PDGFC: variants seen among roughly 807,000 people sequenced by gnomAD.
PDGFC encodes the protein platelet derived growth factor C.
In PDGFC, 12 loss-of-function variants were observed where a neutral mutation model predicts 35.5. The ratio of observed to expected loss-of-function variants is 0.34; its 90% CI spans 0.22 to 0.55. The LOEUF is 0.55. Among genes scored for constraint, PDGFC ranks in the 20% least tolerant of loss-of-function variants. The pLI is 0.91. For synonymous variants in PDGFC, 159 were observed against 148.8 expected (o/e 1.07, Z -0.50); for missense variants, 322 against 412.4 (o/e 0.78, Z 1.90).
chr4:156,821,770 G>A (rs1732267958), intron 2 of PDGFC, among the ~76,000 whole-genome samples: 1 of 152,080 alleles, frequency 6.6e-6, no homozygotes, highest in Admixed American at 6.5e-5. Context: ...GGCTGGTCTT[G>A]AGCTCCCGGC....
chr4:156,851,529 C>T (rs1490488201), intron 1 of PDGFC, among the ~76,000 whole-genome samples: 2 of 152,100 alleles, frequency 1.3e-5, no homozygotes, highest in East Asian at 1.9e-4. Context: ...TATTCCTATA[C>T]CCAACCAGTT....
At chr4:156,773,350 G>T (rs1370787707) in intron 3 of PDGFC, among the ~76,000 whole-genome samples, 2 of 152,134 alleles carry the variant, frequency 1.3e-5, no homozygotes, top group South Asian at 2.1e-4. Context: ...AAAATAGTTA[G>T]AAATCATTTG....
chr4:156,798,477 A>T (rs895841860), intron 3 of PDGFC, among the ~76,000 whole-genome samples: 1 of 152,192 alleles, frequency 6.6e-6, no homozygotes, highest in African/African-American at 2.4e-5. Flanking sequence ...GTAATTGGGA[A>T]TCCTATTAGA....
chr4:156,921,631 A>C (rs1731283925), intron 1 of PDGFC, among the ~76,000 whole-genome samples: 1 of 152,168 alleles, frequency 6.6e-6, no homozygotes. Flanking sequence ...TCAGTATGAC[A>C]CCTTTACAAC....
intron 3 of PDGFC, among the ~76,000 whole-genome samples, chr4:156,794,087 G>A (rs1038334264): frequency 5.3e-5 from 8 of 152,070 alleles, no homozygotes; most frequent in East Asian, 3.9e-4. Context: ...CTTTGACTGC[G>A]CACTATGTGT....
chr4:156,922,371 A>G (rs1298202624), intron 1 of PDGFC, among the ~76,000 whole-genome samples: 2 of 152,236 alleles, frequency 1.3e-5, no homozygotes, highest in African/African-American at 2.4e-5. Flanking sequence ...TAAGTACTAT[A>G]GCAGGCATTG....
At chr4:156,944,165 T>G (rs1731880964) in intron 1 of PDGFC, among the ~76,000 whole-genome samples, 2 of 152,254 alleles carry the variant, frequency 1.3e-5, no homozygotes, top group African/African-American at 4.8e-5. Context: ...CCTTGGCTTG[T>G]GGCTTAAATT....
At chr4:156,937,478 T>C (rs958840490) in intron 1 of PDGFC, among the ~76,000 whole-genome samples, 1 of 152,072 alleles carries the variant, frequency 6.6e-6, no homozygotes, top group African/African-American at 2.4e-5. Context: ...GGAAGGCAAA[T>C]GGCTTGAGCC....
At chr4:156,901,108 T>G (rs568286068) in intron 1 of PDGFC, among the ~76,000 whole-genome samples, 27 of 152,314 alleles carry the variant, frequency 1.8e-4, no homozygotes, top group Middle Eastern at 3.4e-3. Flanking sequence ...TCAAATTGTA[T>G]CATGCACATA....
At chr4:156,774,537 A>T (rs1730771602) in intron 3 of PDGFC, 1 of 152,160 alleles carries the variant, frequency 6.6e-6, no homozygotes, top group African/African-American at 2.4e-5. Flanking sequence ...GGACAGGCAC[A>T]ACCCTCGTGG....
intron 2 of PDGFC, among the ~76,000 whole-genome samples, chr4:156,845,478 C>T (rs1425178347): frequency 6.6e-6 from 1 of 151,730 alleles, no homozygotes; most frequent in Non-Finnish European, 1.5e-5. Context: ...ATAATTCCCT[C>T]CTGGCTATCT....
chr4:156,860,625 T>C (rs1729688116), intron 1 of PDGFC, among the ~76,000 whole-genome samples: 1 of 152,162 alleles, frequency 6.6e-6, no homozygotes, highest in South Asian at 2.1e-4. Flanking sequence ...GCAGCAATAG[T>C]AATAATACTA....
chr4:156,887,862 G>A (rs182355807), intron 1 of PDGFC, among the ~76,000 whole-genome samples: 1 of 152,108 alleles, frequency 6.6e-6, no homozygotes, highest in Non-Finnish European at 1.5e-5. Context: ...TACTAGCCAG[G>A]AGTGGTGGCA....
At chr4:156,906,929 C>T (rs1730927943) in intron 1 of PDGFC, among the ~76,000 whole-genome samples, 1 of 152,164 alleles carries the variant, frequency 6.6e-6, no homozygotes, top group African/African-American at 2.4e-5. Context: ...TCCATTTCAC[C>T]TTGCATGGAT....
At chr4:156,763,577 TTTCA>T (rs980543102) in intron 5 of PDGFC, among the ~76,000 whole-genome samples, 2 of 152,224 alleles carry the variant, frequency 1.3e-5, no homozygotes, top group African/African-American at 4.8e-5. Flanking sequence ...TGTCGCTTTC[TTTCA>T]TTCATTCATT....
intron 2 of PDGFC, among the ~76,000 whole-genome samples, chr4:156,819,620 G>A (rs9996487): frequency 0.16 from 24,051 of 152,072 alleles, 2,689 homozygotes; most frequent in South Asian, 0.31. Flanking sequence ...CAATCCACCT[G>A]GTCACCCAAG....
At chr4:156,865,026 T>C (rs1239516206) in intron 1 of PDGFC, among the ~76,000 whole-genome samples, 1 of 152,120 alleles carries the variant, frequency 6.6e-6, no homozygotes, top group Non-Finnish European at 1.5e-5. Context: ...GTTCACACAA[T>C]AGAATATAAT....
chr4:156,829,010 C>T (rs1728862286), intron 2 of PDGFC, among the ~76,000 whole-genome samples: 1 of 152,052 alleles, frequency 6.6e-6, no homozygotes, highest in African/African-American at 2.4e-5. Flanking sequence ...GAAGTACAGA[C>T]ATTAATATTT....
intron 1 of PDGFC, among the ~76,000 whole-genome samples, chr4:156,875,696 T>C (rs1440609987): frequency 6.6e-6 from 1 of 152,138 alleles, no homozygotes; most frequent in African/African-American, 2.4e-5. Context: ...GGTGGGCAGA[T>C]CACTTGAGGT....
Sources: gnomAD v4.1 joint callset for allele counts (sites outside exome capture counted in the v4.1 genomes callset) on GRCh38, gnomAD v4.1.1 for gene constraint, MANE v1.5 for transcripts, NCBI Gene and HGNC (gene_info 2026-07-23, HGNC 2026-07-21) for gene names.